The following AKAP19 variants were observed in gnomAD, a reference collection of about 807,000 sequenced individuals.
AKAP19 encodes small A-kinase anchoring protein.
chr2:190,149,819 T>C, the AKAP19 span, among the ~76,000 whole-genome samples: 893 of 152,308 alleles, frequency 5.9e-3, 5 homozygotes, highest in African/African-American at 0.02. Flanking sequence ...GTTCTGTATA[T>C]ATCTGTTATG....
chr2:190,142,907 C>T, the AKAP19 span, among the ~76,000 whole-genome samples: 2 of 152,234 alleles, frequency 1.3e-5, no homozygotes, highest in Admixed American at 1.3e-4. Context: ...GGGTTTGGGG[C>T]TGCTACCTTT....
the AKAP19 span, among the ~76,000 whole-genome samples, chr2:189,890,728 A>G: frequency 6.6e-6 from 1 of 152,102 alleles, no homozygotes; most frequent in African/African-American, 2.4e-5. Context: ...TTTATCAGAG[A>G]CTAGGATGGC....
At chr2:190,079,129 TGG>T in the AKAP19 span, 2 of 152,222 alleles carry the variant, frequency 1.3e-5, no homozygotes, top group Admixed American at 1.3e-4. Flanking sequence ...ACACCCCTTT[TGG>T]GTAGTTAATA....
At chr2:189,925,561 A>G in the AKAP19 span, among the ~76,000 whole-genome samples, 1 of 152,200 alleles carries the variant, frequency 6.6e-6, no homozygotes, top group Non-Finnish European at 1.5e-5. Flanking sequence ...CCTGAAAGAC[A>G]TCCAACTGGA....
At chr2:189,903,658 T>A in the AKAP19 span, among the ~76,000 whole-genome samples, 1 of 152,090 alleles carries the variant, frequency 6.6e-6, no homozygotes, top group African/African-American at 2.4e-5. Context: ...GACTTTTATT[T>A]TAGATACAGG....
chr2:190,098,191 A>C, the AKAP19 span, among the ~76,000 whole-genome samples: 2 of 152,180 alleles, frequency 1.3e-5, no homozygotes, highest in Admixed American at 1.3e-4. Context: ...GATTTATCAG[A>C]GGAATCACCG....
chr2:190,152,001 AC>A, the AKAP19 span, among the ~76,000 whole-genome samples: 1 of 115,608 alleles, frequency 8.6e-6, no homozygotes, highest in Non-Finnish European at 1.8e-5. Flanking sequence ...AATTAAAAAA[AC>A]AAAAAACAAC....
chr2:189,957,815 A>G, the AKAP19 span, among the ~76,000 whole-genome samples: 3 of 152,198 alleles, frequency 2.0e-5, no homozygotes, highest in Non-Finnish European at 2.9e-5. Flanking sequence ...GTGAAAATAT[A>G]TTACATCTCA....
chr2:190,115,156 T>A, the AKAP19 span, among the ~76,000 whole-genome samples: 2 of 132,710 alleles, frequency 1.5e-5, no homozygotes, highest in Non-Finnish European at 3.2e-5. Context: ...TGTGTGTGAG[T>A]GTGTGTGTGT....
At chr2:189,968,714 A>G in the AKAP19 span, among the ~76,000 whole-genome samples, 130 of 152,310 alleles carry the variant, frequency 8.5e-4, 1 homozygote, top group Non-Finnish European at 1.7e-3. Flanking sequence ...GGCCCCCTTC[A>G]TAAGCCCCCA....
the AKAP19 span, among the ~76,000 whole-genome samples, chr2:189,927,085 C>T: frequency 4.7e-4 from 72 of 151,820 alleles, no homozygotes; most frequent in African/African-American, 1.7e-3. Context: ...GAGACAGATC[C>T]CTGTCTCTCT....
the AKAP19 span, among the ~76,000 whole-genome samples, chr2:190,159,552 G>A: frequency 6.6e-6 from 1 of 152,136 alleles, no homozygotes; most frequent in Non-Finnish European, 1.5e-5. Context: ...GGCTGTGAGT[G>A]AGACTCATTT....
At chr2:190,111,703 A>G in the AKAP19 span, among the ~76,000 whole-genome samples, 2 of 152,280 alleles carry the variant, frequency 1.3e-5, no homozygotes, top group African/African-American at 4.8e-5. Flanking sequence ...AGAGATGTCA[A>G]GAGGCTGAGT....
At chr2:190,168,474 A>T in the AKAP19 span, among the ~76,000 whole-genome samples, 4 of 144,814 alleles carry the variant, frequency 2.8e-5, no homozygotes. Flanking sequence ...CTCATTACTT[A>T]TACAAATTTC....
At chr2:189,915,835 A>ATAAGATGAAATGTCATGT in the AKAP19 span, among the ~76,000 whole-genome samples, 1 of 152,164 alleles carries the variant, frequency 6.6e-6, no homozygotes, top group Non-Finnish European at 1.5e-5. Flanking sequence ...TTTGCATGCA[A>ATAAGATGAAATGTCATGT]TAAGATGAAA....
chr2:189,959,959 GT>G, the AKAP19 span, among the ~76,000 whole-genome samples: 1 of 151,896 alleles, frequency 6.6e-6, no homozygotes, highest in African/African-American at 2.4e-5. Context: ...ATTTATGTAG[GT>G]TTTTTTCATA....
At chr2:190,200,726 C>T in the AKAP19 span, 1 of 168,624 alleles carries the variant, frequency 5.9e-6, no homozygotes, top group Admixed American at 6.4e-5. Context: ...GACCTCAGGG[C>T]CCTAACTAAT....
At chr2:189,976,296 A>G in the AKAP19 span, among the ~76,000 whole-genome samples, 1 of 152,186 alleles carries the variant, frequency 6.6e-6, no homozygotes. Flanking sequence ...AACAGCGAAT[A>G]TTGCTGAACA....
chr2:189,926,679 C>T, the AKAP19 span, among the ~76,000 whole-genome samples: 3 of 146,148 alleles, frequency 2.1e-5, no homozygotes. Context: ...CTCCCAGGTT[C>T]ACGCCATTCT....
Sources: allele counts gnomAD v4.1 joint callset (sites outside exome capture counted in the v4.1 genomes callset), GRCh38; gene constraint gnomAD v4.1.1; transcripts MANE v1.5; gene names NCBI Gene and HGNC (gene_info 2026-07-23, HGNC 2026-07-21).